Variants in TRIM46 observed in about 807,000 individuals in gnomAD.
The protein encoded by TRIM46 is tripartite motif-containing protein 46.
In TRIM46, 17 loss-of-function variants were observed where a neutral mutation model predicts 69.7. The ratio of observed to expected loss-of-function variants is 0.24; its 90% CI spans 0.17 to 0.37. The LOEUF (loss-of-function observed/expected upper bound fraction) is 0.37, where lower values mean the gene tolerates loss of function less well. TRIM46 is among the 10% of genes least tolerant of loss of function. TRIM46 has a pLI of 1.00. For synonymous variants in TRIM46, 391 were observed against 429.0 expected (o/e 0.91, Z 1.09); for missense variants, 675 against 1,025.1 (o/e 0.66, Z 4.66).
At chr1:155,179,134 T>C (rs888324534) in intron 7 of TRIM46, among the ~76,000 whole-genome samples, 4 of 152,164 alleles carry the variant, frequency 2.6e-5, no homozygotes, top group African/African-American at 9.7e-5. Flanking sequence ...GCTGTCCCTC[T>C]GTTGTCCCCA....
rs1221657638 is a variant in TRIM46 at position 155,184,167 on chromosome 1, G to A, written c.2257G>A (p.Gly753Arg). Reference protein sequence around the residue: ...GTKPERKVTIGGFAKLD With the variant: ...GTKPERKVTIRGFAKLD ...TAAGCCTGAGAGGAAAGTCACCATT[G>A]GGGGCTTCGCCAAGCTGGACTGAGC... Residue 753 changes from glycine to arginine, a missense_variant, in exon 10 of 10, where the codon GGG (glycine) becomes AGG (arginine). By Grantham distance (125) the Gly-to-Arg change is moderately radical. Coordinates refer to ENST00000334634, the MANE Select transcript of TRIM46 (RefSeq NM_025058.5). The surrounding 1 kb of genome is among the most constrained non-coding windows in gnomAD (Gnocchi z 5.6). 1 of 1,611,560 alleles carries A rather than the reference G, an allele frequency of 6.2e-7. No individual in the cohort carries two copies. The highest frequency in any genetic ancestry group is 2.2e-5 in the East Asian group (1 of 44,836).
intron 9 of TRIM46, among the ~76,000 whole-genome samples, chr1:155,183,143 C>T (rs1257913215): frequency 1.3e-5 from 2 of 151,974 alleles, no homozygotes; most frequent in Non-Finnish European, 1.5e-5. Context: ...ATCTCCTGAC[C>T]TCGTGATCCG....
At chr1:155,174,441 C>A (rs1173515668) in intron 1 of TRIM46, 10 of 942,552 alleles carry the variant, frequency 1.1e-5, no homozygotes, top group Admixed American at 6.2e-5. Flanking sequence ...CCAATTTGGA[C>A]CCCTCCCCAA....
In TRIM46 at chr1:155,174,173, A is replaced by T. The variant is rs1665414716; in HGVS notation, c.63+144A>T. 3.1e-6 allele frequency: 3 copies of T among 976,446 alleles called. No individual in the cohort carries two copies. In the East Asian group the frequency reaches 7.9e-5, roughly 26 times the overall value. The allele number at this position is 976,446 out of a possible 1,614,324, so 60.5% of individuals were successfully genotyped here. ...GGCAGAAACGGCTGGGAGGGTCGGG[A>T]TGCAGGTATGAGAGGGTAATCCCGG... On this transcript the variant is annotated intron_variant, in intron 1 of 9. Coordinates refer to ENST00000334634, the MANE Select transcript of TRIM46 (RefSeq NM_025058.5).
intron 5 of TRIM46, 113 bp downstream of exon 5, chr1:155,177,403 G>A (rs1665748875): frequency 1.1e-6 from 1 of 930,630 alleles, no homozygotes; most frequent in Non-Finnish European, 1.7e-6. Context: ...AGCCCGTGAG[G>A]TGTCCAGGTT....
At chr1:155,182,449 C>G in intron 9 of TRIM46, 1 of 546,894 alleles carries the variant, frequency 1.8e-6, no homozygotes, top group Non-Finnish European at 3.2e-6. Flanking sequence ...CACACCATCT[C>G]TCCAAGCATC....
chr1:155,183,934 G>A lies in TRIM46; in HGVS notation c.2024G>A (p.Gly675Glu), dbSNP rs1666366794. 6.2e-7 allele frequency: 1 copy of A among 1,613,938 alleles called. No individual in the cohort carries two copies. The highest frequency in any genetic ancestry group is 1.7e-4 in the Middle Eastern group (1 of 5,980). Residue 675 changes from glycine to glutamate, a missense_variant, in exon 10 of 10, where the codon GGG (glycine) becomes GAG (glutamate). Gly to Glu is a moderately conservative substitution (Grantham distance 98). Transcript: ENST00000334634. ...GCAAGCTCAAACGCAGGGCTGACAG[G>A]GAGGGATGGCCCCACAGCCGGCTGC... ...SGASSNAGLT[G>E]RDGPTAGCTV...
Position 155,176,979 on chromosome 1 carries a change from G to C in TRIM46, c.717G>C (p.Lys239Asn), listed in dbSNP as rs1571737056. The change falls in exon 4 of 10, where the codon AAG becomes AAC. Residue 239 changes from lysine (K) to asparagine (N), a missense_variant. Lys to Asn is a moderately conservative substitution (Grantham distance 94, BLOSUM62 0). Around this residue, in one of 5 missense-constraint regions of TRIM46, gnomAD observed 361 missense variants for 498.3 expected, o/e 0.72. Transcript: ENST00000334634. Reference sequence around the variant, plus strand: ...AGGAAGAGGTGACCCACTACTGCAAGACATGCCAACGCCTGGTATGTCAAC... The same window carrying C: ...AGGAAGAGGTGACCCACTACTGCAACACATGCCAACGCCTGGTATGTCAAC... ...DHKEEVTHYCKTCQRLVCQLC... is the reference protein window; with the variant it reads ...DHKEEVTHYCNTCQRLVCQLC... 6.2e-7 allele frequency: 1 copy of C among 1,614,244 alleles called. No individual in the cohort carries two copies. The highest frequency in any genetic ancestry group is 2.2e-5 in the East Asian group (1 of 44,888).
chr1:155,175,439 G>A lies in TRIM46; in HGVS notation c.117G>A (p.Met39Ile), dbSNP rs1450065778. The change falls in exon 2 of 10, where the codon ATG becomes ATA. Residue 39 changes from methionine to isoleucine, a missense_variant. This residue lies in a region of TRIM46 where 170 missense variants were observed against 255.6 expected (regional missense o/e 0.67). Transcript: ENST00000334634. This position sits in a 1 kb window ranked among gnomAD's most constrained non-coding sequence, Gnocchi z 4.2. ...KELLCPVCQE[M>I]YKQPLVLPCT... ...TGCTGTGCCCAGTGTGTCAAGAGATGTACAAGCAGCCACTGGTGCTGCCCT... is the reference window on the plus strand; with the variant it reads ...TGCTGTGCCCAGTGTGTCAAGAGATATACAAGCAGCCACTGGTGCTGCCCT... 4 of 1,614,038 alleles carry A rather than the reference G, an allele frequency of 2.5e-6. No homozygotes were observed. The African/African-American group carries it at 4.0e-5, about 16-fold the overall frequency.
Position 155,175,111 on chromosome 1 carries a change from C to A in TRIM46, c.64-275C>A, listed in dbSNP as rs546518730. On this transcript the variant is annotated intron_variant, in intron 1 of 9. Coordinates refer to ENST00000334634, the MANE Select transcript of TRIM46 (RefSeq NM_025058.5). This position sits in a 1 kb window ranked among gnomAD's most constrained non-coding sequence, Gnocchi z 4.2. ...AGGGGGCTGCCAGCTGGGGCTACTG[C>A]AGCTGGAGAAATGGGGATTGGGCTT... 4 of 1,367,944 alleles carry A rather than the reference C, an allele frequency of 2.9e-6. No individual in the cohort carries two copies. The highest frequency in any genetic ancestry group is 3.5e-5 in the Admixed American group (1 of 28,470). 84.7% of individuals were successfully genotyped at this position (1,367,944 alleles called of 1,614,324 possible).
chr1:155,182,138 G>C lies in TRIM46; in HGVS notation c.1875G>C (p.Val625=), dbSNP rs754996461. The C allele has an allele frequency of 2.0e-5, 32 of 1,613,904 alleles. No homozygotes were observed. Among genetic ancestry groups the C allele is most frequent in the Non-Finnish European group, 2.4e-5 (28 of 1,179,966 alleles). Residue 625 remains valine, a synonymous_variant, in exon 9 of 10, where the codon GTG becomes GTC. Transcript: ENST00000334634. ...LQESFQGAPD[V]ISPRYDPDSG... is the part of the protein sequence containing the mutation. ...AAAGTTTCCAGGGTGCCCCCGATGT[G>C]ATCAGCCCCAGGTCAGACCCCTCTG... is the stretch of plus-strand genomic sequence containing the variant.
chr1:155,178,228 T>A lies in TRIM46; in HGVS notation c.1136T>A (p.Val379Glu). ...AAGGAAACAGACCAGCCTTGCTTTG[T>A]GCAAGCCGCCAAGCAGCTGCACAAC... ...VLKETDQPCF[V>E]QAAKQLHNRI... The change falls in exon 6 of 10, where the codon GTG becomes GAG. Residue 379 changes from valine to glutamate, a missense_variant. Transcript: ENST00000334634. The A allele has an allele frequency of 6.2e-7, 1 of 1,606,506 alleles. No homozygotes were observed. The highest frequency in any genetic ancestry group is 8.5e-7 in the Non-Finnish European group (1 of 1,174,324).
At chr1:155,174,549 TC>T (rs1284287654) in intron 1 of TRIM46, 39 of 1,470,798 alleles carry the variant, frequency 2.7e-5, no homozygotes, top group Middle Eastern at 1.8e-4. Context: ...CCAACCGTGT[TC>T]CCCCCCACCA....
chr1:155,177,083 C>A lies in TRIM46; in HGVS notation c.813+8C>A, dbSNP rs375302348. 1.2e-6 allele frequency: 2 copies of A among 1,612,060 alleles called. No individual in the cohort carries two copies. The highest frequency in any genetic ancestry group is 1.7e-6 in the Non-Finnish European group (2 of 1,178,302). ...GCCTACCAGGCCCTCAAGGTAAGGA[C>A]CCCCCTTATCCAACCCTAGTGCTAA... is the stretch of plus-strand genomic sequence containing the variant. On this transcript the variant is annotated splice_region_variant and intron_variant, in intron 4 of 9. Transcript: ENST00000334634.
chr1:155,179,671 C>T lies in TRIM46; in HGVS notation c.1325C>T (p.Ala442Val). ...GTCATTGACACCCAGCGCACCTTTGCCTATGATCAGATCTTCCTGTGCTGG... is the reference window on the plus strand; with the variant it reads ...GTCATTGACACCCAGCGCACCTTTGTCTATGATCAGATCTTCCTGTGCTGG... ...APVIDTQRTF[A>V]YDQIFLCWRL... Residue 442 changes from alanine to valine, a missense_variant, in exon 8 of 10, where the codon GCC becomes GTC. This residue lies in a region of TRIM46 where 361 missense variants were observed against 498.3 expected (regional missense o/e 0.72). Coordinates refer to ENST00000334634, the MANE Select transcript of TRIM46 (RefSeq NM_025058.5). The T allele has an allele frequency of 1.2e-6, 2 of 1,612,602 alleles. No homozygotes were observed. The highest frequency in any genetic ancestry group is 8.5e-7 in the Non-Finnish European group (1 of 1,179,452).
At position 155,179,324 on chromosome 1, in the gene TRIM46, T is replaced by C. The variant is rs375203674; in HGVS notation, c.1286-308T>C. Among the ~76,000 whole-genome samples the C allele has an allele frequency of 4.6e-5, 7 of 152,258 alleles. No homozygotes were observed. The South Asian group carries it at 1.4e-3, about 32-fold the overall frequency. On this transcript the variant is annotated intron_variant, in intron 7 of 9. Coordinates refer to ENST00000334634, the MANE Select transcript of TRIM46 (RefSeq NM_025058.5). The stretch of plus-strand genomic sequence containing the variant: ...GAACTTACCTGATCTGATACCCTCA[T>C]TTGACAGGGGAGGAAACTGAGGCCC...
rs2147776632 is a variant in TRIM46, at chr1:155,175,024, G to T, written c.64-362G>T. 7.3e-7 allele frequency: 1 copy of T among 1,373,020 alleles called. No individual in the cohort carries two copies. The allele number at this position is 1,373,020 out of a possible 1,614,324, so 85.1% of individuals were successfully genotyped here. A position where few individuals can be genotyped will look rare whatever the true frequency, so the allele number is the denominator to read the frequency against. On this transcript the variant is annotated intron_variant, in intron 1 of 9. Coordinates refer to ENST00000334634, the MANE Select transcript of TRIM46 (RefSeq NM_025058.5). This position sits in a 1 kb window ranked among gnomAD's most constrained non-coding sequence, Gnocchi z 4.2. ...GGGTCTGCATGGAGCTGCAGAATGG[G>T]CGGTGTCCTTGAGAAAAATGCCAGG...
chr1:155,183,200 G>A (rs953003209), intron 9 of TRIM46, among the ~76,000 whole-genome samples: 9 of 151,650 alleles, frequency 5.9e-5, no homozygotes, highest in Non-Finnish European at 7.4e-5. Context: ...GTGAGCCACT[G>A]TGCCTGGCCC....
chr1:155,182,358 C>T (rs1351251094), intron 9 of TRIM46: 5 of 605,406 alleles, frequency 8.3e-6, no homozygotes, highest in South Asian at 6.1e-5. Context: ...ATTTTCAGAG[C>T]ATGTCGTGTG....
Sources: allele counts gnomAD v4.1 joint callset (sites outside exome capture counted in the v4.1 genomes callset), GRCh38; gene constraint gnomAD v4.1.1; regional missense constraint gnomAD v4.1.1; non-coding constraint Gnocchi (gnomAD v3.1); transcripts MANE v1.5; gene names NCBI Gene and HGNC (gene_info 2026-07-23, HGNC 2026-07-21).